Variants in MAPK10 observed in about 807,000 individuals in gnomAD.
MAPK10 encodes the protein JNK3 alpha protein kinase.
In MAPK10, 25 loss-of-function variants were observed where a neutral mutation model predicts 59.3. That is an observed-to-expected ratio of 0.42 (90% CI 0.31 to 0.59). The LOEUF (loss-of-function observed/expected upper bound fraction) is 0.59, where lower values mean the gene tolerates loss of function less well. Ranked by LOEUF, MAPK10 falls within the 20% of genes least tolerant of loss-of-function variation. The pLI is 0.15. For missense variants in MAPK10, 351 were observed against 568.9 expected, an observed-to-expected ratio of 0.62 and a Z score of 3.90; for synonymous variants, 190 against 200.5, an observed-to-expected ratio of 0.95 and a Z score of 0.44.
At chr4:86,143,174 C>T (rs184675919) in intron 4 of MAPK10, among the ~76,000 whole-genome samples, 1 of 152,258 alleles carries the variant, frequency 6.6e-6, no homozygotes, top group African/African-American at 2.4e-5. Flanking sequence ...TGTAAAACCA[C>T]CAGATCTCCT....
chr4:86,266,332 C>A lies in MAPK10; in HGVS notation c.-6-71925G>T, dbSNP rs72865371. 1.5e-3 allele frequency among the ~76,000 whole-genome samples: 227 copies of A among 152,254 alleles called. 1 individual carries two copies. The highest frequency in any genetic ancestry group is 0.01 in the Middle Eastern group (3 of 294). On this transcript the variant is annotated intron_variant, in intron 2 of 13. Coordinates refer to ENST00000641462, the MANE Select transcript of MAPK10 (RefSeq NM_138982.4). ...CTACTACTTAATAGCTGTATGACCT[C>A]GGCATACAGACAGTTATTCAACAAT... is the stretch of plus-strand genomic sequence containing the variant.
In MAPK10 at chr4:86,516,710, G is replaced by C. The variant is rs1756694672; in HGVS notation, c.-263+77200C>G. ...AAGGGGTTGCATTCTTGATTTTTCA[G>C]ATTGGTCACTGTTGGTGTATAGCAG... On this transcript the variant is annotated intron_variant, in intron 1 of 4. Coordinates refer to the MAPK10 transcript ENST00000502302. 2.0e-5 allele frequency among the ~76,000 whole-genome samples: 3 copies of C among 152,074 alleles called. No homozygotes were observed. The South Asian group carries it at 6.2e-4, about 32-fold the overall frequency.
At chr4:86,488,526 C>T (rs1037972500) in intron 1 of MAPK10, among the ~76,000 whole-genome samples, 2 of 152,106 alleles carry the variant, frequency 1.3e-5, no homozygotes, top group African/African-American at 4.8e-5. Flanking sequence ...CTGTCTTGGG[C>T]AACATTTTAA....
chr4:86,203,931 A>G (rs2149336597), intron 2 of MAPK10, among the ~76,000 whole-genome samples: 1 of 152,010 alleles, frequency 6.6e-6, no homozygotes, highest in African/African-American at 2.4e-5. Flanking sequence ...ATTCTTAAGT[A>G]GATGTGCTAT....
intron 11 of MAPK10, chr4:86,032,014 A>T (rs1344748346): frequency 6.6e-6 from 1 of 152,156 alleles, no homozygotes; most frequent in East Asian, 1.9e-4. Context: ...AAACGATTTT[A>T]AGCTTTTTGG....
intron 1 of MAPK10, chr4:86,370,657 A>G (rs2148992794): frequency 6.6e-6 from 1 of 152,310 alleles, no homozygotes; most frequent in South Asian, 2.1e-4. Context: ...TTTGAAAAGG[A>G]AAAACCTCAA....
At chr4:86,132,924 A>T (rs774688753) in intron 4 of MAPK10, among the ~76,000 whole-genome samples, 5 of 152,212 alleles carry the variant, frequency 3.3e-5, no homozygotes, top group Admixed American at 1.3e-4. Context: ...ACAATGTAAT[A>T]ATGATAGAAA....
At chr4:86,194,299 T>A (rs542498384) in intron 3 of MAPK10, 37 bp downstream of exon 3, 4 of 1,528,370 alleles carry the variant, frequency 2.6e-6, no homozygotes, top group Admixed American at 1.7e-5. Context: ...TACAAGGGAA[T>A]ATACTGTACC....
intron 3 of MAPK10, among the ~76,000 whole-genome samples, chr4:86,177,281 C>G (rs563248748): frequency 6.6e-6 from 1 of 152,178 alleles, no homozygotes; most frequent in East Asian, 1.9e-4. Flanking sequence ...CAAACCATAT[C>G]ATTTGTTTCA....
chr4:86,430,324 A>G (rs1481315438), intron 1 of MAPK10, among the ~76,000 whole-genome samples: 1 of 152,236 alleles, frequency 6.6e-6, no homozygotes, highest in Non-Finnish European at 1.5e-5. Context: ...AGCATAAAGT[A>G]TGAATTCATT....
chr4:86,536,706 T>G (rs1758266336), intron 1 of MAPK10, among the ~76,000 whole-genome samples: 1 of 152,222 alleles, frequency 6.6e-6, no homozygotes, highest in African/African-American at 2.4e-5. Context: ...AAAAGCTATT[T>G]ACATGGAAAT....
chr4:86,148,399 A>G (rs931764428), intron 4 of MAPK10, among the ~76,000 whole-genome samples: 1 of 152,182 alleles, frequency 6.6e-6, no homozygotes, highest in Non-Finnish European at 1.5e-5. Context: ...ATTTGAGAAC[A>G]ATGACTAGTA....
At chr4:86,143,214 C>T (rs1049633461) in intron 4 of MAPK10, among the ~76,000 whole-genome samples, 26 of 152,066 alleles carry the variant, frequency 1.7e-4, no homozygotes, top group Non-Finnish European at 3.1e-4. Flanking sequence ...AAGAACAGCA[C>T]GGGGGAAAAT....
chr4:86,461,496 C>A (rs971718878), intron 1 of MAPK10, among the ~76,000 whole-genome samples: 1 of 152,194 alleles, frequency 6.6e-6, no homozygotes, highest in Admixed American at 6.5e-5. Context: ...GGGTGGATCA[C>A]TTCACCTGAG....
intron 2 of MAPK10, among the ~76,000 whole-genome samples, chr4:86,263,784 T>C (rs979194615): frequency 6.6e-6 from 1 of 152,198 alleles, no homozygotes; most frequent in Admixed American, 6.5e-5. Flanking sequence ...GGTTTTTTGA[T>C]AGACACTGAA....
At chr4:86,437,057 A>C (rs759685906) in intron 1 of MAPK10, among the ~76,000 whole-genome samples, 1 of 151,374 alleles carries the variant, frequency 6.6e-6, no homozygotes, top group Non-Finnish European at 1.5e-5. Context: ...CTAAAAATGC[A>C]AAAAAAATAA....
intron 1 of MAPK10, among the ~76,000 whole-genome samples, chr4:86,507,004 TA>T (rs1300002181): frequency 6.6e-6 from 1 of 152,124 alleles, no homozygotes; most frequent in African/African-American, 2.4e-5. Flanking sequence ...GAAATTTATC[TA>T]ATTGATGTAT....
chr4:86,069,100 A>G (rs938058198), intron 9 of MAPK10, among the ~76,000 whole-genome samples: 3 of 152,286 alleles, frequency 2.0e-5, no homozygotes, highest in Admixed American at 1.3e-4. Context: ...AAGTTTGTCA[A>G]GTCTTTACTC....
chr4:86,387,724 C>A (rs1250661571), intron 1 of MAPK10, among the ~76,000 whole-genome samples: 2 of 152,024 alleles, frequency 1.3e-5, no homozygotes, highest in African/African-American at 4.8e-5. Flanking sequence ...CAATGAAGGA[C>A]CTGTCAATAT....
Sources: gnomAD v4.1 joint callset for allele counts (sites outside exome capture counted in the v4.1 genomes callset) on GRCh38, gnomAD v4.1.1 for gene constraint, MANE v1.5 for transcripts, NCBI Gene and HGNC (gene_info 2026-07-23, HGNC 2026-07-21) for gene names.